RALGPS1: variants seen among roughly 807,000 people sequenced by gnomAD.
RALGPS1 encodes Ral GEF with PH domain and SH3 binding motif 1.
Under a neutral mutation model 78.8 loss-of-function variants are expected in RALGPS1, and 19 were observed. The observed-to-expected ratio is 0.24, with a 90% CI of 0.17 to 0.35. The LOEUF (loss-of-function observed/expected upper bound fraction) is 0.35. Ranked by LOEUF, RALGPS1 falls within the 10% of genes least tolerant of loss-of-function variation. The probability of loss-of-function intolerance (pLI) is 1.00; values close to 1 mark genes in which losing one functional copy is unlikely to be tolerated. For missense variants in RALGPS1, 454 were observed against 688.3 expected, an observed-to-expected ratio of 0.66 and a Z score of 3.81; for synonymous variants, 228 against 256.3, an observed-to-expected ratio of 0.89 and a Z score of 1.06.
intron 4 of RALGPS1, among the ~76,000 whole-genome samples, chr9:127,024,269 A>G (rs1589079952): frequency 6.6e-6 from 1 of 152,062 alleles, no homozygotes; most frequent in Non-Finnish European, 1.5e-5. Context: ...GATAAATAGT[A>G]CAGGAAAGCT....
chr9:127,049,456 A>G (rs1182611785), intron 5 of RALGPS1, among the ~76,000 whole-genome samples: 4 of 152,220 alleles, frequency 2.6e-5, no homozygotes, highest in Non-Finnish European at 4.4e-5. Flanking sequence ...CATGCCCTGT[A>G]ACATGCATTG....
At chr9:127,199,810 G>A (rs1444623011) in intron 14 of RALGPS1, among the ~76,000 whole-genome samples, 1 of 152,214 alleles carries the variant, frequency 6.6e-6, no homozygotes, top group African/African-American at 2.4e-5. Flanking sequence ...TGGCGACTCA[G>A]GGTTTGAGAG....
chr9:127,159,464 G>A (rs1041286606), intron 8 of RALGPS1, among the ~76,000 whole-genome samples: 2 of 152,172 alleles, frequency 1.3e-5, no homozygotes, highest in South Asian at 2.1e-4. Context: ...TCCAGAAAGC[G>A]TGGCCTCTGA....
At chr9:127,041,031 T>TTGTGTG (rs58541875) in intron 5 of RALGPS1, among the ~76,000 whole-genome samples, 7,035 of 135,742 alleles carry the variant, frequency 0.052, 285 homozygotes, top group African/African-American at 0.11. Context: ...CTACAAACAT[T>TTGTGTG]TGTGTGTGTG....
intron 5 of RALGPS1, among the ~76,000 whole-genome samples, chr9:127,036,428 C>G (rs2046870817): frequency 6.6e-6 from 1 of 152,232 alleles, no homozygotes; most frequent in Admixed American, 6.5e-5. Context: ...GCTTTCTTTT[C>G]TGTAACTGAG....
intron 7 of RALGPS1, among the ~76,000 whole-genome samples, chr9:127,061,842 G>A (rs564594581): frequency 1.3e-5 from 2 of 152,068 alleles, no homozygotes; most frequent in South Asian, 2.1e-4. Flanking sequence ...TCTGCCCACC[G>A]CCAGACCAGA....
chr9:127,063,210 A>G (rs1461515829), intron 7 of RALGPS1, among the ~76,000 whole-genome samples: 2 of 152,230 alleles, frequency 1.3e-5, no homozygotes, highest in African/African-American at 2.4e-5. Flanking sequence ...CTGCTTTACT[A>G]GAAAGGGGAG....
At chr9:126,977,671 A>G in intron 3 of RALGPS1, 24 bp from the exon 4 acceptor site, 2 of 1,543,412 alleles carry the variant, frequency 1.3e-6, no homozygotes, top group Non-Finnish European at 1.8e-6. Flanking sequence ...AGTATTTTCT[A>G]AAATTGATTC....
At chr9:127,199,444 C>T (rs2061505870) in intron 14 of RALGPS1, among the ~76,000 whole-genome samples, 1 of 152,190 alleles carries the variant, frequency 6.6e-6, no homozygotes, top group Non-Finnish European at 1.5e-5. Flanking sequence ...GAGAATATTG[C>T]ACCCTAATGG....
In RALGPS1 at chr9:126,965,924, C is replaced by T. The variant is rs1436464336; in HGVS notation, c.138C>T (p.Val46=). ...GCTATGATGCCGTTGTCTTCGATGT[C>T]TTGAAAGTGACCCCAGAGGAGTTTG... is the stretch of plus-strand genomic sequence containing the variant. ...SKSYDAVVFD[V]LKVTPEEFAS... The change falls in exon 3 of 19, where the codon GTC becomes GTT. Residue 46 remains valine, a synonymous_variant. Transcript: ENST00000259351. 6 of 1,613,998 alleles carry T rather than the reference C, an allele frequency of 3.7e-6. No homozygotes were observed. The highest frequency in any genetic ancestry group is 5.1e-6 in the Non-Finnish European group (6 of 1,179,974).
At chr9:127,166,532 G>A (rs1411551296) in intron 9 of RALGPS1, among the ~76,000 whole-genome samples, 1 of 152,160 alleles carries the variant, frequency 6.6e-6, no homozygotes, top group Admixed American at 6.5e-5. Flanking sequence ...TTTCTGGGCA[G>A]CTCTCCTCCA....
intron 4 of RALGPS1, among the ~76,000 whole-genome samples, chr9:126,982,769 TTCTTCTTCTTCTTCC>T (rs1166112607): frequency 6.7e-6 from 1 of 149,828 alleles, no homozygotes; most frequent in African/African-American, 2.5e-5. Context: ...TTTAAAATAT[TTCTTCTTCTTCTTCC>T]TCTTCTTCTT....
Position 127,195,180 on chromosome 9 carries a change from G to T in RALGPS1, c.1000G>T (p.Val334Phe). ...TGCTGGCAGCCTCCCCACACCTCCAGTCCCCAGACACAGGAAGAGCCACAG... is the reference window on the plus strand; with the variant it reads ...TGCTGGCAGCCTCCCCACACCTCCATTCCCCAGACACAGGAAGAGCCACAG... ...SVAGSLPTPP[V>F]PRHRKSHSLG... The change falls in exon 12 of 19, where the codon GTC (valine) becomes TTC (phenylalanine). Residue 334 changes from valine to phenylalanine, a missense_variant. Coordinates refer to ENST00000259351, the MANE Select transcript of RALGPS1 (RefSeq NM_014636.3). 1 of 1,612,412 alleles carries T rather than the reference G, an allele frequency of 6.2e-7. No individual in the cohort carries two copies. The highest frequency in any genetic ancestry group is 8.5e-7 in the Non-Finnish European group (1 of 1,179,972).
rs187331801 is a variant in RALGPS1, at chr9:126,960,219, C to G, written c.-65-2006C>G. The stretch of plus-strand genomic sequence containing the variant: ...TCCTTCCCTCCCTCCCTCCCTCCCT[C>G]CCTTCCTTCCTTCCTTTCTTCCTTT... On this transcript the variant is annotated intron_variant, in intron 1 of 18. Coordinates refer to ENST00000259351, the MANE Select transcript of RALGPS1 (RefSeq NM_014636.3). Among the ~76,000 whole-genome samples, 149 of 85,780 alleles carry G rather than the reference C, an allele frequency of 1.7e-3. 2 individuals are homozygous for G. Among genetic ancestry groups the G allele is most frequent in the Middle Eastern group, 7.0e-3 (1 of 142 alleles). 56.3% of individuals were successfully genotyped at this position (85,780 alleles called of 152,430 possible). A position where few individuals can be genotyped will look rare whatever the true frequency, so the allele number is the denominator to read the frequency against.
At chr9:127,199,384 A>G (rs144527393) in intron 14 of RALGPS1, among the ~76,000 whole-genome samples, 27 of 152,192 alleles carry the variant, frequency 1.8e-4, no homozygotes, top group African/African-American at 6.3e-4. Context: ...CAAAAGCCTA[A>G]GAAGTGGCCT....
At chr9:127,092,942 T>A (rs1336448915) in intron 8 of RALGPS1, among the ~76,000 whole-genome samples, 2 of 152,146 alleles carry the variant, frequency 1.3e-5, no homozygotes, top group African/African-American at 4.8e-5. Flanking sequence ...GTCAGAGGCC[T>A]CAGCTGCAGT....
rs78831525 is a variant in RALGPS1 at position 126,956,049 on chromosome 9, A to C, written c.-65-6176A>C. 3.9e-3 allele frequency among the ~76,000 whole-genome samples: 594 copies of C among 152,138 alleles called. 5 individuals carry two copies. The highest frequency in any genetic ancestry group is 0.013 in the African/African-American group (560 of 41,502). Reference sequence around the variant, plus strand: ...TCCTCCCCCTGCTTTCATCCCTCTGACCAGACTGTCCCTGCATGGGGCCAC... The same window carrying C: ...TCCTCCCCCTGCTTTCATCCCTCTGCCCAGACTGTCCCTGCATGGGGCCAC... On this transcript the variant is annotated intron_variant, in intron 1 of 18. Coordinates refer to ENST00000259351, the MANE Select transcript of RALGPS1 (RefSeq NM_014636.3).
chr9:127,223,082 A>G lies in RALGPS1; in HGVS notation c.*4313A>G, dbSNP rs897387689. The G allele has an allele frequency of 2.0e-5, 3 of 152,634 alleles. No homozygotes were observed. The highest frequency in any genetic ancestry group is 1.3e-4 in the Admixed American group (2 of 15,288). 9.5% of individuals were successfully genotyped at this position (152,634 alleles called of 1,614,324 possible). On this transcript the variant is annotated 3_prime_UTR_variant, in exon 19 of 19. Coordinates refer to ENST00000259351, the MANE Select transcript of RALGPS1 (RefSeq NM_014636.3). Reference sequence around the variant, plus strand: ...GTTGCTGTATTTTTCAGCTTGTTACATTGATAATAATTATTTCACTAATTA... The same window carrying G: ...GTTGCTGTATTTTTCAGCTTGTTACGTTGATAATAATTATTTCACTAATTA...
Position 126,958,213 on chromosome 9 carries a change from G to A in RALGPS1, c.-65-4012G>A, listed in dbSNP as rs1430684785. 4.7e-5 allele frequency among the ~76,000 whole-genome samples: 7 copies of A among 148,806 alleles called. No individual in the cohort carries two copies. In the East Asian group the frequency reaches 1.4e-3, roughly 29 times the overall value. ...TATATGAAATTTCAAGGGGAATGGGGGAGGGAAGAGTTAAACATGTAAGTT... is the reference window on the plus strand; with the variant it reads ...TATATGAAATTTCAAGGGGAATGGGAGAGGGAAGAGTTAAACATGTAAGTT... On this transcript the variant is annotated intron_variant, in intron 1 of 18. Transcript: ENST00000259351.
Sources: allele counts gnomAD v4.1 joint callset (sites outside exome capture counted in the v4.1 genomes callset), GRCh38; gene constraint gnomAD v4.1.1; transcripts MANE v1.5; gene names NCBI Gene and HGNC (gene_info 2026-07-23, HGNC 2026-07-21).